Variants in PDE3B observed in about 807,000 individuals in gnomAD.
PDE3B encodes the protein cGMP-inhibited 3',5'-cyclic phosphodiesterase 3B.
A neutral mutation model predicts 116.8 loss-of-function variants in PDE3B; 66 were observed. That is an observed-to-expected ratio of 0.56 (90% CI 0.46 to 0.69). The LOEUF is 0.69. Among genes scored for constraint, PDE3B ranks in the 30% least tolerant of loss-of-function variants. PDE3B has a pLI of 0.00. For synonymous variants in PDE3B, 595 were observed against 533.6 expected, an observed-to-expected ratio of 1.12 and a Z score of -1.59; for missense variants, 1,384 against 1,368.1, an observed-to-expected ratio of 1.01 and a Z score of -0.18.
chr11:14,779,103 C>T (rs892022779), intron 2 of PDE3B, among the ~76,000 whole-genome samples: 5 of 151,850 alleles, frequency 3.3e-5, no homozygotes, highest in East Asian at 1.9e-4. Flanking sequence ...TGAAATGAAG[C>T]GAGAAGAGAA....
intron 12 of PDE3B, among the ~76,000 whole-genome samples, chr11:14,853,988 C>T (rs1477526694): frequency 6.6e-6 from 1 of 152,132 alleles, no homozygotes; most frequent in Non-Finnish European, 1.5e-5. Flanking sequence ...GAATCTGTTA[C>T]CCCTTCTTCC....
At chr11:14,890,537 CTTTTTTT>C in the PDE3B span, 28 of 64,408 alleles carry the variant, frequency 4.3e-4, no homozygotes, top group African/African-American at 1.2e-3. Context: ...TAGACCAATT[CTTTTTTT>C]TTTTTTTTTT....
chr11:14,684,717 C>G (rs779469760), intron 1 of PDE3B, among the ~76,000 whole-genome samples: 3 of 152,170 alleles, frequency 2.0e-5, no homozygotes, highest in Non-Finnish European at 1.5e-5. Flanking sequence ...GACCTCCCCC[C>G]AGGGATGCAT....
chr11:14,846,169 A>G (rs1847597629), intron 12 of PDE3B, among the ~76,000 whole-genome samples: 2 of 152,336 alleles, frequency 1.3e-5, no homozygotes, highest in African/African-American at 4.8e-5. Context: ...GCCAGAAGAG[A>G]GTGGGGGCCA....
chr11:14,896,627 C>G, the PDE3B span, among the ~76,000 whole-genome samples: 1 of 152,180 alleles, frequency 6.6e-6, no homozygotes, highest in Non-Finnish European at 1.5e-5. Context: ...TAATTGTAGT[C>G]TGCACCAAAC....
At chr11:14,697,855 T>A (rs1296065159) in intron 1 of PDE3B, among the ~76,000 whole-genome samples, 3 of 152,130 alleles carry the variant, frequency 2.0e-5, no homozygotes, top group Non-Finnish European at 4.4e-5. Context: ...TGTTTGATTG[T>A]TGTTGTTAGA....
chr11:14,750,105 C>T (rs1409460341), intron 1 of PDE3B, among the ~76,000 whole-genome samples: 1 of 151,190 alleles, frequency 6.6e-6, no homozygotes, highest in Non-Finnish European at 1.5e-5. Context: ...AAGAATTCCT[C>T]CTATTCAGCC....
At chr11:14,748,446 TC>T (rs1386201766) in intron 1 of PDE3B, among the ~76,000 whole-genome samples, 1 of 152,212 alleles carries the variant, frequency 6.6e-6, no homozygotes, top group Non-Finnish European at 1.5e-5. Flanking sequence ...TTCATAATAT[TC>T]TTTGAATTTT....
At chr11:14,706,322 A>G (rs143657260) in intron 1 of PDE3B, among the ~76,000 whole-genome samples, 99 of 152,064 alleles carry the variant, frequency 6.5e-4, no homozygotes, top group African/African-American at 2.3e-3. Context: ...CTAAAAGGCT[A>G]AATAAATGGA....
At chr11:14,879,321 C>A in the PDE3B span, 4 of 1,613,092 alleles carry the variant, frequency 2.5e-6, no homozygotes, top group Non-Finnish European at 3.4e-6. Flanking sequence ...CCTAATGGAA[C>A]TATATTACAG....
intron 11 of PDE3B, among the ~76,000 whole-genome samples, chr11:14,838,271 G>T (rs992649644): frequency 6.6e-6 from 1 of 152,036 alleles, no homozygotes; most frequent in African/African-American, 2.4e-5. Context: ...GAGCCACTGT[G>T]CCCGGCCAAG....
At chr11:14,769,384 T>C (rs1419454817) in intron 1 of PDE3B, among the ~76,000 whole-genome samples, 1 of 151,170 alleles carries the variant, frequency 6.6e-6, no homozygotes, top group Non-Finnish European at 1.5e-5. Flanking sequence ...GTAAGATTTT[T>C]AGAGACCTTT....
intron 1 of PDE3B, among the ~76,000 whole-genome samples, chr11:14,709,341 AT>A (rs746424320): frequency 1.1e-3 from 171 of 151,882 alleles, no homozygotes; most frequent in African/African-American, 3.9e-3. Flanking sequence ...TAACGTGCAC[AT>A]TTTTTTTCAC....
chr11:14,681,755 C>T (rs1183980099), intron 1 of PDE3B, among the ~76,000 whole-genome samples: 2 of 152,086 alleles, frequency 1.3e-5, no homozygotes, highest in African/African-American at 4.8e-5. Context: ...GCTTTGTATT[C>T]TGTGATGTTG....
intron 1 of PDE3B, among the ~76,000 whole-genome samples, chr11:14,747,529 TGTTATTCA>T (rs1437831138): frequency 6.6e-6 from 1 of 152,188 alleles, no homozygotes; most frequent in Non-Finnish European, 1.5e-5. Context: ...AAACAGAATC[TGTTATTCA>T]TTGTGGTTGA....
chr11:14,803,646 T>A (rs1858836336), intron 4 of PDE3B, among the ~76,000 whole-genome samples: 1 of 152,260 alleles, frequency 6.6e-6, no homozygotes, highest in African/African-American at 2.4e-5. Flanking sequence ...CCTGTTTTTT[T>A]GTAAGTAAAA....
intron 4 of PDE3B, among the ~76,000 whole-genome samples, chr11:14,795,804 T>C (rs1265160601): frequency 2.0e-5 from 3 of 152,266 alleles, no homozygotes; most frequent in East Asian, 3.9e-4. Context: ...GTGAATGATA[T>C]GGACAAGAAG....
chr11:14,706,859 C>T (rs1364026567), intron 1 of PDE3B, among the ~76,000 whole-genome samples: 2 of 151,860 alleles, frequency 1.3e-5, no homozygotes, highest in Non-Finnish European at 2.9e-5. Flanking sequence ...ATTTTTCATA[C>T]TTTAGCATTT....
the PDE3B span, chr11:14,885,959 TATGGAGAAATATAACC>T: frequency 6.3e-7 from 1 of 1,584,734 alleles, no homozygotes; most frequent in South Asian, 1.1e-5. Flanking sequence ...TGACAGCATG[TATGGAGAAATATAACC>T]ATGGAAATCT....
Sources: allele counts gnomAD v4.1 joint callset (sites outside exome capture counted in the v4.1 genomes callset), GRCh38; gene constraint gnomAD v4.1.1; transcripts MANE v1.5; gene names NCBI Gene and HGNC (gene_info 2026-07-23, HGNC 2026-07-21).